MIDEAS: variants seen among roughly 807,000 people sequenced by gnomAD.
MIDEAS encodes the protein mitotic deacetylase-associated SANT domain protein.
MIDEAS carries 26 observed loss-of-function variants against 102.7 expected under a neutral mutation model. The ratio of observed to expected loss-of-function variants is 0.25; its 90% confidence interval spans 0.19 to 0.35. The LOEUF (loss-of-function observed/expected upper bound fraction) is 0.35. MIDEAS is among the 10% of genes least tolerant of loss of function. The probability of loss-of-function intolerance (pLI) is 1.00; values close to 1 mark genes in which losing one functional copy is unlikely to be tolerated. For synonymous variants in MIDEAS, 585 were observed against 591.0 expected (o/e 0.99, Z 0.15); for missense variants, 1,231 against 1,435.6 (o/e 0.86, Z 2.30).
intron 1 of MIDEAS, among the ~76,000 whole-genome samples, chr14:73,743,282 G>A (rs1481308549): frequency 6.6e-6 from 1 of 152,112 alleles, no homozygotes; most frequent in Non-Finnish European, 1.5e-5. Flanking sequence ...TGAACCTTTG[G>A]CAGGTACTCT....
At chr14:73,789,517 A>G (rs1281464277), upstream of MIDEAS, among the ~76,000 whole-genome samples, 2 of 152,220 alleles carry the variant, frequency 1.3e-5, no homozygotes, top group African/African-American at 4.8e-5. Context: ...CCTGACCCAC[A>G]GAAACTATAA....
chr14:73,726,855 C>A lies in MIDEAS; in HGVS notation c.2280G>T (p.Glu760Asp). Residue 760 changes from glutamate (E) to aspartate (D), a missense_variant, in exon 6 of 13, where the codon GAG (glutamate) becomes GAT (aspartate). Around this residue, in one of 5 missense-constraint regions of MIDEAS, gnomAD observed 391 missense variants for 483.0 expected, o/e 0.81. Coordinates refer to ENST00000423556, the MANE Select transcript of MIDEAS (RefSeq NM_001367710.1). ...DLVWQPWEDL[E>D]SSREKQRQVE... ...CTTGCCTCTGCTTCTCCCGGCTGCT[C>A]TCTAGGTCCTCCCATGGCTGCCACA... is the stretch of plus-strand genomic sequence containing the variant. 1 of 1,612,312 alleles carries A rather than the reference C, an allele frequency of 6.2e-7. No individual in the cohort carries two copies. The highest frequency in any genetic ancestry group is 8.5e-7 in the Non-Finnish European group (1 of 1,178,608).
chr14:73,731,503 C>T (rs985964287), intron 3 of MIDEAS, among the ~76,000 whole-genome samples: 1 of 151,746 alleles, frequency 6.6e-6, no homozygotes, highest in South Asian at 2.1e-4. Flanking sequence ...GAGCCAAAGG[C>T]CCCCCAAACT....
chr14:73,766,739 A>G (rs1392252583), intron 1 of MIDEAS, among the ~76,000 whole-genome samples: 2 of 151,444 alleles, frequency 1.3e-5, no homozygotes, highest in Non-Finnish European at 2.9e-5. Context: ...TTTAGTAGAA[A>G]CGGGGTTTCA....
chr14:73,723,444 G>T (rs8023053), intron 9 of MIDEAS: 1 of 152,202 alleles, frequency 6.6e-6, no homozygotes, highest in East Asian at 1.9e-4. Flanking sequence ...GAGCTACCTC[G>T]CCTGGCCTGA....
At chr14:73,731,238 G>A (rs1168038873) in intron 3 of MIDEAS, among the ~76,000 whole-genome samples, 2 of 152,194 alleles carry the variant, frequency 1.3e-5, no homozygotes, top group Non-Finnish European at 2.9e-5. Flanking sequence ...TTATCCCTCT[G>A]CGTACTCAGT....
chr14:73,745,215 G>A (rs1275293330), intron 1 of MIDEAS, among the ~76,000 whole-genome samples: 1 of 152,122 alleles, frequency 6.6e-6, no homozygotes, highest in African/African-American at 2.4e-5. Flanking sequence ...CCCTACCCCT[G>A]GCCCCAGGCC....
chr14:73,761,422 A>G (rs2053553576), upstream of MIDEAS, among the ~76,000 whole-genome samples: 1 of 151,928 alleles, frequency 6.6e-6, no homozygotes, highest in Non-Finnish European at 1.5e-5. Flanking sequence ...GTCCTCTTCC[A>G]CCTCTTTGCT....
At chr14:73,745,913 C>G (rs1168260447) in intron 1 of MIDEAS, among the ~76,000 whole-genome samples, 1 of 152,208 alleles carries the variant, frequency 6.6e-6, no homozygotes, top group Non-Finnish European at 1.5e-5. Context: ...CAGACAGTCC[C>G]TGGACCATCA....
chr14:73,768,753 G>A (rs1263316206), intron 1 of MIDEAS, among the ~76,000 whole-genome samples: 2 of 151,970 alleles, frequency 1.3e-5, no homozygotes, highest in African/African-American at 4.8e-5. Context: ...CCAAAGTTTT[G>A]GAATTACAGG....
intron 1 of MIDEAS, among the ~76,000 whole-genome samples, chr14:73,769,790 C>T (rs900970367): frequency 1.5e-4 from 22 of 151,718 alleles, no homozygotes; most frequent in African/African-American, 5.1e-4. Flanking sequence ...TTAGTAGAGA[C>T]GGGGTTTCAC....
intron 1 of MIDEAS, among the ~76,000 whole-genome samples, chr14:73,753,979 TG>T (rs2053452337): frequency 6.6e-6 from 1 of 152,126 alleles, no homozygotes; most frequent in South Asian, 2.1e-4. Flanking sequence ...GAAGGTGCGA[TG>T]GCCAGAGGGA....
chr14:73,767,853 G>A (rs10146100), intron 1 of MIDEAS, among the ~76,000 whole-genome samples: 38,241 of 151,956 alleles, frequency 0.25, 5,092 homozygotes, highest in African/African-American at 0.27. Context: ...ACATCTGTGA[G>A]GCAGCTACTA....
chr14:73,763,398 G>A (rs1315844360), upstream of MIDEAS, among the ~76,000 whole-genome samples: 2 of 152,166 alleles, frequency 1.3e-5, no homozygotes, highest in African/African-American at 2.4e-5. Context: ...TCTCAATAAA[G>A]CTGTTACGAA....
rs372198853 is a variant in MIDEAS at position 73,739,563 on chromosome 14, G to A, written c.446C>T (p.Pro149Leu). 6.8e-6 allele frequency: 11 copies of A among 1,614,094 alleles called. No individual in the cohort carries two copies. The highest frequency in any genetic ancestry group is 2.7e-5 in the African/African-American group (2 of 75,016). The change falls in exon 2 of 13, where the codon CCG becomes CTG. Residue 149 changes from proline to leucine, a missense_variant. Pro to Leu is a moderately conservative substitution (Grantham distance 98). Transcript: ENST00000423556. ...LSLYSATKGS[P>L]HPGVGVPTYY... Reference sequence around the variant, plus strand: ...AGTCGGGACTCCCACTCCAGGATGCGGGCTCCCCTTGGTTGCACTGTAGAG... The same window carrying A: ...AGTCGGGACTCCCACTCCAGGATGCAGGCTCCCCTTGGTTGCACTGTAGAG...
In MIDEAS at chr14:73,721,422, G is replaced by A. The variant is rs2052990065; in HGVS notation, c.2812C>T (p.Pro938Ser). 1 of 1,613,878 alleles carries A rather than the reference G, an allele frequency of 6.2e-7. No individual in the cohort carries two copies. The highest frequency in any genetic ancestry group is 1.7e-5 in the Admixed American group (1 of 59,966). ...RLEPKREVKE[P>S]RKEGEEEVPE... ...ACCTCCTCCTCCCCCTCCTTCCTGG[G>A]CTCCTTCACCTCCCTCTTGGGCTCC... is the stretch of plus-strand genomic sequence containing the variant. Residue 938 changes from proline to serine, a missense_variant, in exon 11 of 13, where the codon CCC becomes TCC. Coordinates refer to ENST00000423556, the MANE Select transcript of MIDEAS (RefSeq NM_001367710.1).
intron 1 of MIDEAS, among the ~76,000 whole-genome samples, chr14:73,755,307 A>T (rs545954201): frequency 6.6e-6 from 1 of 151,948 alleles, no homozygotes; most frequent in African/African-American, 2.4e-5. Context: ...TGCAGCCCTC[A>T]GGGAGACCCC....
intron 2 of MIDEAS, among the ~76,000 whole-genome samples, chr14:73,737,567 G>A (rs897724235): frequency 6.6e-6 from 1 of 151,938 alleles, no homozygotes. Flanking sequence ...TTAAGGCTGC[G>A]GTGAGCCGAG....
chr14:73,764,331 C>T (rs2053575805), upstream of MIDEAS, among the ~76,000 whole-genome samples: 1 of 131,706 alleles, frequency 7.6e-6, no homozygotes, highest in Non-Finnish European at 1.6e-5. Context: ...CAGAGGGAGA[C>T]CCTGTCTCAA....
Sources: gnomAD v4.1 joint callset for allele counts (sites outside exome capture counted in the v4.1 genomes callset) on GRCh38, gnomAD v4.1.1 for gene constraint, gnomAD v4.1.1 regional missense constraint, MANE v1.5 for transcripts, NCBI Gene and HGNC (gene_info 2026-07-23, HGNC 2026-07-21) for gene names.